The following DMKN variants were observed in gnomAD, a reference collection of about 807,000 sequenced individuals.
The protein encoded by DMKN is dermokine.
Under a neutral mutation model 67.6 loss-of-function variants are expected in DMKN, and 58 were observed. The ratio of observed to expected loss-of-function variants is 0.86; its 90% CI spans 0.69 to 1.07. The LOEUF (loss-of-function observed/expected upper bound fraction) is 1.07, where lower values mean the gene tolerates loss of function less well. Among genes scored for constraint, DMKN ranks in the 50% least tolerant of loss-of-function variants. The pLI is 0.00. For missense variants in DMKN, 596 were observed against 601.5 expected, an observed-to-expected ratio of 0.99 and a Z score of 0.10; for synonymous variants, 240 against 232.3, an observed-to-expected ratio of 1.03 and a Z score of -0.30.
rs1315010610 is a variant in DMKN at position 35,505,774 on chromosome 19, G to A, written c.1087-9C>T. ...AGCTTGGATTTAAAATTCTATGGAG[G>A]AAACAAAAAGAAGAATGGCCAAATT... is the stretch of plus-strand genomic sequence containing the variant. On this transcript the variant is annotated splice_polypyrimidine_tract_variant and intron_variant, in intron 8 of 15. Coordinates refer to ENST00000339686, the MANE Select transcript of DMKN (RefSeq NM_033317.5). The A allele has an allele frequency of 6.2e-7, 1 of 1,614,148 alleles. No individual in the cohort carries two copies. The highest frequency in any genetic ancestry group is 8.5e-7 in the Non-Finnish European group (1 of 1,180,020).
intron 13 of DMKN, 156 bp downstream of exon 13, chr19:35,499,802 C>T (rs1174911311): frequency 4.3e-6 from 3 of 701,848 alleles, no homozygotes; most frequent in East Asian, 2.7e-5. Flanking sequence ...TCAGGGAACC[C>T]GAGTCTCCCT....
At chr19:35,499,633 T>C (rs1338467032) in intron 13 of DMKN, among the ~76,000 whole-genome samples, 2 of 152,046 alleles carry the variant, frequency 1.3e-5, no homozygotes, top group Non-Finnish European at 2.9e-5. Flanking sequence ...GCTGCTTGCG[T>C]GTTTTGCAGG....
intron 1 of DMKN, 50 bp downstream of exon 1, chr19:35,513,000 C>T (rs1423208714): frequency 6.2e-7 from 1 of 1,602,036 alleles, no homozygotes; most frequent in Non-Finnish European, 8.5e-7. Context: ...GAATCTCAGC[C>T]CAGCAGCCCA....
intron 7 of DMKN, chr19:35,508,577 G>C: frequency 4.9e-6 from 1 of 203,718 alleles, no homozygotes; most frequent in East Asian, 1.4e-4. Context: ...TGAAGTGATT[G>C]AATACATGGG....
At chr19:35,510,427 T>C in intron 5 of DMKN, 175 bp from the exon 6 acceptor site, 3 of 1,552,276 alleles carry the variant, frequency 1.9e-6, no homozygotes, top group Non-Finnish European at 1.7e-6. Context: ...ATTCCGAGCA[T>C]GGAGAAGGCC....
At position 35,513,079 on chromosome 19, in the gene DMKN, G is replaced by T. The variant is rs757657275; in HGVS notation, c.397C>A (p.Gln133Lys). 1 of 1,613,884 alleles carries T rather than the reference G, an allele frequency of 6.2e-7. No individual in the cohort carries two copies. Residue 133 changes from glutamine to lysine, a missense_variant, in exon 1 of 16, where the codon CAG becomes AAG. Coordinates refer to ENST00000339686, the MANE Select transcript of DMKN (RefSeq NM_033317.5). The part of the protein sequence containing the change: ...HGADAVRGSW[Q>K]GVPGHNGAWE... ...GCACCATTGTGGCCAGGCACCCCCT[G>T]CCAGGAGCCGCGGACAGCATCTGCT...
At chr19:35,499,359 A>C in intron 13 of DMKN, 1 of 197,344 alleles carries the variant, frequency 5.1e-6, no homozygotes, top group Non-Finnish European at 1.0e-5. Context: ...ATGGAAATAC[A>C]CAGCCTGCTG....
At chr19:35,509,879 C>T in intron 7 of DMKN, 32 bp downstream of exon 7, 1 of 1,613,412 alleles carries the variant, frequency 6.2e-7, no homozygotes, top group Non-Finnish European at 8.5e-7. Context: ...GAACTGCAGT[C>T]CCCAGGAGAC....
rs1371083599 is a variant in DMKN, at chr19:35,512,410, C to G, written c.684+11G>C. 6.2e-6 allele frequency: 10 copies of G among 1,613,898 alleles called. No homozygotes were observed. The highest frequency in any genetic ancestry group is 8.5e-6 in the Non-Finnish European group (10 of 1,179,942). ...TGGCTTCTTCATTTGTTCCCAGCCC[C>G]TTCCTCTTACCCCTTCATTCTGGTT... On this transcript the variant is annotated intron_variant, in intron 3 of 15. Transcript: ENST00000339686.
rs777104075 is a variant in DMKN, at chr19:35,502,933, C to T, written c.1135-47G>A. On this transcript the variant is annotated intron_variant, in intron 9 of 15. Coordinates refer to ENST00000339686, the MANE Select transcript of DMKN (RefSeq NM_033317.5). ...CAGGTTAGCAGAGAGCCTGGGCCCA[C>T]TCACCCACCCCTCCTCCTGCTACTG... is the stretch of plus-strand genomic sequence containing the variant. The T allele has an allele frequency of 2.5e-5, 40 of 1,576,488 alleles. No individual in the cohort carries two copies. In the Admixed American group the frequency reaches 6.8e-4, roughly 27 times the overall value.
chr19:35,502,276 G>T, intron 10 of DMKN, 93 bp from the exon 11 acceptor site: 1 of 1,321,222 alleles, frequency 7.6e-7, no homozygotes, highest in Non-Finnish European at 1.1e-6. Flanking sequence ...TCTCGGGTAG[G>T]AAGGAGCTTT....
At chr19:35,506,026 C>T (rs368574388) in intron 7 of DMKN, 40 bp from the exon 8 acceptor site, 3 of 1,613,964 alleles carry the variant, frequency 1.9e-6, no homozygotes, top group Non-Finnish European at 2.5e-6. Context: ...GAAGAACCCA[C>T]TTTGTGAGCC....
chr19:35,498,357 T>G, intron 15 of DMKN: 1 of 235,752 alleles, frequency 4.2e-6, no homozygotes, highest in Non-Finnish European at 8.2e-6. Flanking sequence ...CTGGAATGGT[T>G]TGTTTTGTTT....
intron 9 of DMKN, among the ~76,000 whole-genome samples, chr19:35,503,632 C>T (rs996927536): frequency 4.6e-5 from 7 of 152,078 alleles, no homozygotes; most frequent in African/African-American, 1.2e-4. Flanking sequence ...CACACCACCA[C>T]GCCTGGCTAA....
intron 10 of DMKN, 54 bp from the exon 11 acceptor site, chr19:35,502,237 T>C (rs2068529879): frequency 1.9e-6 from 3 of 1,589,120 alleles, no homozygotes; most frequent in Non-Finnish European, 2.6e-6. Flanking sequence ...CACGGGGTGG[T>C]CTATGCAGCA....
chr19:35,505,953 C>A lies in DMKN; in HGVS notation c.1072G>T (p.Asp358Tyr). ...GCAGAACTCACCTTCCAGAAAGTGTCAAAGTTAAACATCCCAGGAGACGTC... is the reference window on the plus strand; with the variant it reads ...GCAGAACTCACCTTCCAGAAAGTGTAAAAGTTAAACATCCCAGGAGACGTC... Reference protein sequence around the residue: ...SETSPGMFNFDTFWKNFKSKL... With the variant: ...SETSPGMFNFYTFWKNFKSKL... The change falls in exon 8 of 16, where the codon GAC (aspartate) becomes TAC (tyrosine). Residue 358 changes from aspartate (D) to tyrosine (Y), a missense_variant. Physicochemically the swap from Asp to Tyr is radical, Grantham distance 160. Transcript: ENST00000339686. 1.2e-6 allele frequency: 2 copies of A among 1,614,068 alleles called. No individual in the cohort carries two copies. Among genetic ancestry groups the A allele is most frequent in the South Asian group, 2.2e-5 (2 of 91,064 alleles).
At chr19:35,509,824 G>C in intron 7 of DMKN, 87 bp downstream of exon 7, 4 of 1,499,386 alleles carry the variant, frequency 2.7e-6, no homozygotes, top group Non-Finnish European at 3.7e-6. Flanking sequence ...GCAGGAGGGG[G>C]TTGAGCAGAG....
chr19:35,500,473 C>G (rs779735752), intron 12 of DMKN, 60 bp downstream of exon 12: 2 of 1,581,494 alleles, frequency 1.3e-6, no homozygotes, highest in Admixed American at 1.8e-5. Flanking sequence ...TGCCCAGACC[C>G]GGGAGCAAGG....
At chr19:35,511,302 C>A (rs1021732915) in intron 5 of DMKN, 109 bp downstream of exon 5, 1 of 1,554,864 alleles carries the variant, frequency 6.4e-7, no homozygotes, top group East Asian at 2.2e-5. Context: ...TCAGCGAGGC[C>A]GCCCATCCTC....
Sources: gnomAD v4.1 joint callset for allele counts (sites outside exome capture counted in the v4.1 genomes callset) on GRCh38, gnomAD v4.1.1 for gene constraint, MANE v1.5 for transcripts, NCBI Gene and HGNC (gene_info 2026-07-23, HGNC 2026-07-21) for gene names.